Variants in AKT3 observed in about 807,000 individuals in gnomAD.
The protein encoded by AKT3 is AKT serine/threonine kinase 3.
AKT3 carries 15 observed loss-of-function variants against 65.3 expected under a neutral mutation model. The ratio of observed to expected loss-of-function variants is 0.23; its 90% CI spans 0.15 to 0.35. The LOEUF (loss-of-function observed/expected upper bound fraction) is 0.35, where lower values mean the gene tolerates loss of function less well. Ranked by LOEUF, AKT3 falls within the 10% of genes least tolerant of loss-of-function variation. The pLI, the probability that AKT3 is intolerant of heterozygous loss-of-function variation, is 1.00. For missense variants in AKT3, 243 were observed against 576.5 expected (o/e 0.42, Z 5.92); for synonymous variants, 206 against 183.8 (o/e 1.12, Z -0.98).
At position 243,751,875 on chromosome 1, in the gene AKT3, C is replaced by G. The variant is rs551535431; in HGVS notation, c.47-56159G>C. ...GGGAGGTTGGATTATCCTCCAGGAACTTCAGCACTGGAGCCTACAACTATC... is the reference window on the plus strand; with the variant it reads ...GGGAGGTTGGATTATCCTCCAGGAAGTTCAGCACTGGAGCCTACAACTATC... On this transcript the variant is annotated intron_variant, in intron 2 of 13. Transcript: ENST00000673466. Among the ~76,000 whole-genome samples, 13 of 152,290 alleles carry G rather than the reference C, an allele frequency of 8.5e-5. No individual in the cohort carries two copies. The South Asian group carries it at 2.3e-3, about 27-fold the overall frequency.
chr1:243,594,652 C>T (rs1676470327), intron 8 of AKT3, among the ~76,000 whole-genome samples: 1 of 152,120 alleles, frequency 6.6e-6, no homozygotes, highest in South Asian at 2.1e-4. Flanking sequence ...GTCTGCAATG[C>T]AGTGGTATGA....
At chr1:243,844,699 AT>A (rs913748831) in intron 1 of AKT3, among the ~76,000 whole-genome samples, 1 of 152,106 alleles carries the variant, frequency 6.6e-6, no homozygotes, top group African/African-American at 2.4e-5. Context: ...CGCTGCACAA[AT>A]TTTTTTAAAA....
At chr1:243,820,728 T>G (rs1283350452) in intron 2 of AKT3, among the ~76,000 whole-genome samples, 1 of 151,988 alleles carries the variant, frequency 6.6e-6, no homozygotes, top group African/African-American at 2.4e-5. Flanking sequence ...TTCCCAAGAT[T>G]AGAGAAAAAG....
intron 2 of AKT3, among the ~76,000 whole-genome samples, chr1:243,825,420 A>G (rs902548308): frequency 3.9e-5 from 6 of 152,232 alleles, no homozygotes; most frequent in African/African-American, 1.4e-4. Context: ...CACAATGACA[A>G]CTATTCAAAT....
At chr1:243,629,660 T>C (rs1374164617) in intron 6 of AKT3, among the ~76,000 whole-genome samples, 2 of 151,972 alleles carry the variant, frequency 1.3e-5, no homozygotes, top group South Asian at 4.2e-4. Context: ...GGCGTGGTGG[T>C]GGGCACCTGT....
chr1:243,552,288 C>CAAAAAAA lies in AKT3; in HGVS notation c.1163+434_1163+440dup, dbSNP rs33995513. ...TGGGTGGCAGAGTGAGACTCTGTCT[C>CAAAAAAA]AAAAAAAAAAAAAAAAAAAAAAAAA... On this transcript the variant is annotated intron_variant, in intron 11 of 13. Coordinates refer to ENST00000673466, the MANE Select transcript of AKT3 (RefSeq NM_005465.7). Among the ~76,000 whole-genome samples the CAAAAAAA allele has an allele frequency of 7.4e-3, 369 of 50,154 alleles. 95 individuals are homozygous for CAAAAAAA. Among genetic ancestry groups the CAAAAAAA allele is most frequent in the Non-Finnish European group, 9.8e-3 (314 of 32,178 alleles). 32.9% of individuals were successfully genotyped at this position (50,154 alleles called of 152,430 possible).
intron 10 of AKT3, among the ~76,000 whole-genome samples, chr1:243,561,964 A>G (rs1673816538): frequency 6.6e-6 from 1 of 152,140 alleles, no homozygotes; most frequent in African/African-American, 2.4e-5. Flanking sequence ...GAGTAAGGGT[A>G]TGACAGAAAT....
In AKT3 at chr1:243,547,302, A is replaced by G. The variant is rs561652849; in HGVS notation, c.1164-1705T>C. ...AATACAGATAACAGTGAAACATAAC[A>G]AATTAAGGAGTAATGACTTTTTAGT... On this transcript the variant is annotated intron_variant, in intron 11 of 13. Coordinates refer to ENST00000673466, the MANE Select transcript of AKT3 (RefSeq NM_005465.7). Among the ~76,000 whole-genome samples, 62 of 152,320 alleles carry G rather than the reference A, an allele frequency of 4.1e-4. 1 individual carries two copies. The highest frequency in any genetic ancestry group is 1.5e-3 in the African/African-American group (61 of 41,570).
At chr1:243,771,628 A>G (rs1282930632) in intron 2 of AKT3, among the ~76,000 whole-genome samples, 1 of 152,206 alleles carries the variant, frequency 6.6e-6, no homozygotes, top group Non-Finnish European at 1.5e-5. Flanking sequence ...TTAGAACTGA[A>G]TATTGTAGTT....
intron 2 of AKT3, among the ~76,000 whole-genome samples, chr1:243,808,513 AG>A (rs560028046): frequency 1.9e-4 from 29 of 152,348 alleles, no homozygotes; most frequent in African/African-American, 7.0e-4. Flanking sequence ...AAAGCTTCCA[AG>A]AAATATGGGA....
intron 2 of AKT3, among the ~76,000 whole-genome samples, chr1:243,758,757 G>A (rs1158231030): frequency 2.0e-5 from 3 of 152,334 alleles, no homozygotes; most frequent in East Asian, 1.9e-4. Flanking sequence ...GCACTCCTAT[G>A]AGAATCTAAC....
chr1:243,561,230 T>C (rs1009337016), intron 10 of AKT3, among the ~76,000 whole-genome samples: 1 of 152,160 alleles, frequency 6.6e-6, no homozygotes, highest in Non-Finnish European at 1.5e-5. Flanking sequence ...ATTAGAATAA[T>C]AGACCAGCAT....
intron 2 of AKT3, among the ~76,000 whole-genome samples, chr1:243,829,105 G>A (rs1694347246): frequency 6.6e-6 from 1 of 152,092 alleles, no homozygotes; most frequent in African/African-American, 2.4e-5. Context: ...CGAATCTCTT[G>A]ACAAGGGGAT....
intron 8 of AKT3, among the ~76,000 whole-genome samples, chr1:243,598,547 C>T (rs1322283692): frequency 3.9e-5 from 6 of 152,158 alleles, no homozygotes; most frequent in Non-Finnish European, 1.5e-5. Flanking sequence ...ACAGGAACTG[C>T]ACTAGAGTGT....
chr1:243,590,169 C>G (rs1209668475), intron 8 of AKT3, among the ~76,000 whole-genome samples: 1 of 152,084 alleles, frequency 6.6e-6, no homozygotes. Context: ...ATTTAATGTA[C>G]AGCATCATGA....
At chr1:243,498,402 C>T (rs1399151361), downstream of AKT3, among the ~76,000 whole-genome samples, 1 of 152,172 alleles carries the variant, frequency 6.6e-6, no homozygotes, top group African/African-American at 2.4e-5. Context: ...AAATTGTCCA[C>T]CTGGCTCCAC....
At chr1:243,837,781 T>C (rs1041337969) in intron 2 of AKT3, among the ~76,000 whole-genome samples, 17 of 152,194 alleles carry the variant, frequency 1.1e-4, no homozygotes, top group African/African-American at 4.1e-4. Context: ...ACAGCTAATG[T>C]GATACTTAAG....
intron 2 of AKT3, among the ~76,000 whole-genome samples, chr1:243,827,673 G>C (rs888885837): frequency 6.6e-6 from 1 of 151,992 alleles, no homozygotes; most frequent in Non-Finnish European, 1.5e-5. Flanking sequence ...TCCTGAGTGA[G>C]AGGAAAAAAA....
chr1:243,690,269 TGA>T (rs1684602456), intron 3 of AKT3, among the ~76,000 whole-genome samples: 1 of 152,122 alleles, frequency 6.6e-6, no homozygotes, highest in Non-Finnish European at 1.5e-5. Flanking sequence ...ACTCTGGAAC[TGA>T]GCAAGCTAGT....
Sources: gnomAD v4.1 joint callset for allele counts (sites outside exome capture counted in the v4.1 genomes callset) on GRCh38, gnomAD v4.1.1 for gene constraint, MANE v1.5 for transcripts, NCBI Gene and HGNC (gene_info 2026-07-23, HGNC 2026-07-21) for gene names.